NKAIN3: variants seen among roughly 807,000 people sequenced by gnomAD.
The protein encoded by NKAIN3 is sodium/potassium-transporting ATPase subunit beta-1-interacting protein 3.
In NKAIN3, 25 loss-of-function variants were observed where a neutral mutation model predicts 30.2. That is an observed-to-expected ratio of 0.83 (90% CI 0.60 to 1.16). NKAIN3 has a LOEUF of 1.16. Ranked by LOEUF, NKAIN3 falls within the 50% of genes most tolerant of loss-of-function variation. The pLI is 0.00. For synonymous variants in NKAIN3, 91 were observed against 89.6 expected (o/e 1.02, Z -0.09); for missense variants, 225 against 254.1 (o/e 0.89, Z 0.78).
chr8:62,778,308 AAGGTAGGTTTAG>A, intron 4 of NKAIN3, among the ~76,000 whole-genome samples: 1 of 152,160 alleles, frequency 6.6e-6, no homozygotes, highest in Non-Finnish European at 1.5e-5. Context: ...CCTGCAGTCC[AAGGTAGGTTTAG>A]AGATGCTGTC....
intron 1 of NKAIN3, among the ~76,000 whole-genome samples, chr8:62,506,476 C>CTTTTTTTTTTTTTTTTTTTTTTTTTTT (rs71255341): frequency 1.0e-5 from 1 of 98,436 alleles, no homozygotes; most frequent in African/African-American, 4.1e-5. Flanking sequence ...TTCTTTCTTT[C>CTTTTTTTTTTTTTTTTTTTTTTTTTTT]TTTTTTTTTT....
At chr8:62,745,378 G>T (rs1816037088) in intron 3 of NKAIN3, among the ~76,000 whole-genome samples, 1 of 152,192 alleles carries the variant, frequency 6.6e-6, no homozygotes, top group African/African-American at 2.4e-5. Flanking sequence ...CTCACTGTTG[G>T]AGGGAGTGGA....
At chr8:62,703,190 T>C (rs1305129311) in intron 3 of NKAIN3, among the ~76,000 whole-genome samples, 1 of 152,144 alleles carries the variant, frequency 6.6e-6, no homozygotes, top group Non-Finnish European at 1.5e-5. Flanking sequence ...ATTACTTTAA[T>C]ATATTAAAAA....
intron 4 of NKAIN3, among the ~76,000 whole-genome samples, chr8:62,881,500 G>A (rs1820980359): frequency 6.6e-6 from 1 of 152,128 alleles, no homozygotes; most frequent in African/African-American, 2.4e-5. Flanking sequence ...AAGGTGTGTG[G>A]TACTAGCAAA....
chr8:62,529,558 C>A (rs1808423158), intron 1 of NKAIN3, among the ~76,000 whole-genome samples: 1 of 152,072 alleles, frequency 6.6e-6, no homozygotes, highest in Non-Finnish European at 1.5e-5. Context: ...CCCCTTCCCC[C>A]TTCCACCATA....
intron 1 of NKAIN3, among the ~76,000 whole-genome samples, chr8:62,513,005 A>G (rs1312310317): frequency 3.3e-5 from 5 of 152,120 alleles, no homozygotes; most frequent in African/African-American, 9.7e-5. Flanking sequence ...AGTTTATCAC[A>G]TTATTTGCTT....
intron 4 of NKAIN3, among the ~76,000 whole-genome samples, chr8:62,875,930 T>C (rs550267946): frequency 5.3e-5 from 8 of 152,044 alleles, no homozygotes; most frequent in African/African-American, 1.4e-4. Flanking sequence ...AAAGACTTCA[T>C]GAAAAAACAG....
chr8:62,915,536 C>A (rs1037939806), intron 4 of NKAIN3, among the ~76,000 whole-genome samples: 6 of 152,152 alleles, frequency 3.9e-5, no homozygotes, highest in Non-Finnish European at 7.3e-5. Flanking sequence ...AGACACCTGG[C>A]CTTCAGAACT....
At chr8:62,499,326 T>C (rs1201313905) in intron 1 of NKAIN3, among the ~76,000 whole-genome samples, 2 of 152,040 alleles carry the variant, frequency 1.3e-5, no homozygotes, top group Non-Finnish European at 2.9e-5. Flanking sequence ...CAAAACCAAC[T>C]TCGCAGTACT....
intron 4 of NKAIN3, among the ~76,000 whole-genome samples, chr8:62,777,973 G>A (rs561795760): frequency 1.3e-5 from 2 of 152,200 alleles, no homozygotes; most frequent in South Asian, 4.1e-4. Context: ...GTAGCATGTT[G>A]GGGGGCTTGG....
At chr8:62,749,631 T>A (rs1053623228) in intron 4 of NKAIN3, among the ~76,000 whole-genome samples, 4 of 151,846 alleles carry the variant, frequency 2.6e-5, no homozygotes, top group African/African-American at 9.7e-5. Flanking sequence ...GTTTGTCACT[T>A]ATTTTATATG....
intron 3 of NKAIN3, among the ~76,000 whole-genome samples, chr8:62,632,506 G>T: frequency 6.6e-6 from 1 of 151,998 alleles, no homozygotes; most frequent in East Asian, 1.9e-4. Context: ...ATTTACAAAT[G>T]TCTTTTTTTT....
rs142519518 is a variant in NKAIN3 at position 62,417,920 on chromosome 8, C to T, written c.55-161619C>T. Among the ~76,000 whole-genome samples, 211 of 152,036 alleles carry T rather than the reference C, an allele frequency of 1.4e-3. 1 individual carries two copies. The highest frequency in any genetic ancestry group is 2.5e-3 in the Non-Finnish European group (167 of 67,956). Reference sequence around the variant, plus strand: ...CAGGATGTTGTTTTATTAAGGAATACAATCAAAAAAGAGAGGATGAAGAAC... The same window carrying T: ...CAGGATGTTGTTTTATTAAGGAATATAATCAAAAAAGAGAGGATGAAGAAC... On this transcript the variant is annotated intron_variant, in intron 1 of 6. Transcript: ENST00000623646.
At chr8:62,919,316 C>T (rs35567972) in intron 5 of NKAIN3, among the ~76,000 whole-genome samples, 21,408 of 131,724 alleles carry the variant, frequency 0.16, 1,994 homozygotes, top group African/African-American at 0.27. Context: ...GTGATCTCAG[C>T]TCACTGCAAG....
chr8:62,676,131 T>C (rs933827663), intron 3 of NKAIN3, among the ~76,000 whole-genome samples: 9 of 152,224 alleles, frequency 5.9e-5, no homozygotes, highest in African/African-American at 2.2e-4. Context: ...TAGGTAACAT[T>C]GATCCTCACC....
At chr8:62,956,768 T>A (rs1167209517) in intron 6 of NKAIN3, among the ~76,000 whole-genome samples, 1 of 152,186 alleles carries the variant, frequency 6.6e-6, no homozygotes, top group East Asian at 1.9e-4. Flanking sequence ...GTGCTAGAGA[T>A]ATAAAGATAA....
intron 3 of NKAIN3, among the ~76,000 whole-genome samples, chr8:62,723,298 A>T (rs1815151877): frequency 6.6e-6 from 1 of 152,150 alleles, no homozygotes; most frequent in Non-Finnish European, 1.5e-5. Context: ...TGGTAAATTT[A>T]ACAAAAAACA....
At chr8:62,755,288 C>T (rs370819227) in intron 4 of NKAIN3, among the ~76,000 whole-genome samples, 12 of 152,094 alleles carry the variant, frequency 7.9e-5, no homozygotes, top group East Asian at 5.8e-4. Context: ...TTGCAGGGTT[C>T]GGGGGTAAAC....
At chr8:62,527,882 G>GTGTGTGTGT (rs368290547) in intron 1 of NKAIN3, among the ~76,000 whole-genome samples, 1 of 143,690 alleles carries the variant, frequency 7.0e-6, no homozygotes. Flanking sequence ...ACTTTTTTTT[G>GTGTGTGTGT]GTGTGTGTGT....
Sources: allele counts gnomAD v4.1 joint callset (sites outside exome capture counted in the v4.1 genomes callset), GRCh38; gene constraint gnomAD v4.1.1; transcripts MANE v1.5; gene names NCBI Gene and HGNC (gene_info 2026-07-23, HGNC 2026-07-21).